The following PLCXD3 variants were observed in gnomAD, a reference collection of about 807,000 sequenced individuals.
PLCXD3 encodes the protein PI-PLC X domain-containing protein 3.
PLCXD3 carries 19 observed loss-of-function variants against 25.5 expected under a neutral mutation model. That is an observed-to-expected ratio of 0.75 (90% CI 0.52 to 1.09). The LOEUF (loss-of-function observed/expected upper bound fraction) is 1.09. Among genes scored for constraint, PLCXD3 ranks in the 50% least tolerant of loss-of-function variants. PLCXD3 has a pLI of 0.00. For synonymous variants in PLCXD3, 174 were observed against 137.6 expected, an observed-to-expected ratio of 1.26 and a Z score of -1.85; for missense variants, 411 against 388.1, an observed-to-expected ratio of 1.06 and a Z score of -0.50.
intron 2 of PLCXD3, among the ~76,000 whole-genome samples, chr5:41,334,663 T>C (rs1056197027): frequency 3.9e-5 from 6 of 152,174 alleles, no homozygotes; most frequent in African/African-American, 1.4e-4. Flanking sequence ...ATCCGTTTCC[T>C]TTGATAATGG....
At chr5:41,495,054 A>G (rs756249545) in intron 1 of PLCXD3, among the ~76,000 whole-genome samples, 19 of 152,230 alleles carry the variant, frequency 1.2e-4, no homozygotes, top group Non-Finnish European at 2.8e-4. Flanking sequence ...TCTATGATAA[A>G]TCCTGCACTC....
intron 2 of PLCXD3, among the ~76,000 whole-genome samples, chr5:41,340,541 G>T (rs921618997): frequency 6.6e-6 from 1 of 152,076 alleles, no homozygotes; most frequent in Non-Finnish European, 1.5e-5. Context: ...AAGGGGAGTT[G>T]GTGGTGAGCT....
At chr5:41,489,103 T>C (rs1036116784) in intron 1 of PLCXD3, among the ~76,000 whole-genome samples, 1 of 152,202 alleles carries the variant, frequency 6.6e-6, no homozygotes, top group African/African-American at 2.4e-5. Flanking sequence ...AATTGATTTT[T>C]GTATAAGGTG....
rs1739031718 is a variant in PLCXD3 at position 41,510,470 on chromosome 5, C to A, written c.57G>T (p.Leu19=). The A allele has an allele frequency of 6.2e-7, 1 of 1,612,468 alleles. No individual in the cohort carries two copies. Among genetic ancestry groups the A allele is most frequent in the African/African-American group, 1.3e-5 (1 of 74,822 alleles). Residue 19 remains leucine, a synonymous_variant, in exon 1 of 3, where the codon CTG becomes CTT. Coordinates refer to ENST00000377801, the MANE Select transcript of PLCXD3 (RefSeq NM_001005473.3). ...GGGGGATGCTGTGCATGCTCTCCGG[C>A]AGAGTTGCCATCCAGTCGGCTAATT... ...ELKLADWMAT[L]PESMHSIPLT... is the part of the protein sequence containing the mutation.
At chr5:41,465,698 A>G (rs1319920216) in intron 1 of PLCXD3, among the ~76,000 whole-genome samples, 1 of 151,958 alleles carries the variant, frequency 6.6e-6, no homozygotes, top group African/African-American at 2.4e-5. Context: ...CTAAGCAGGC[A>G]TGGGGGCCAG....
chr5:41,463,311 C>T (rs372706924), intron 1 of PLCXD3, among the ~76,000 whole-genome samples: 38 of 151,998 alleles, frequency 2.5e-4, no homozygotes, highest in African/African-American at 9.2e-4. Context: ...TGCTGAGAGC[C>T]GTATTCTGGG....
intron 2 of PLCXD3, among the ~76,000 whole-genome samples, chr5:41,314,767 G>A (rs1297591199): frequency 6.6e-6 from 1 of 152,110 alleles, no homozygotes; most frequent in Non-Finnish European, 1.5e-5. Context: ...GGGCACATTA[G>A]GCCATTATAA....
rs1745290068 is a variant in PLCXD3, at chr5:41,376,169, C to T, written c.812+5657G>A. On this transcript the variant is annotated intron_variant, in intron 2 of 2. Transcript: ENST00000377801. ...CACTGTGATGATGAGACTAAGTGGC[C>T]AGGGCTGCCCATCATCCAACTCCAA... 2.0e-5 allele frequency among the ~76,000 whole-genome samples: 3 copies of T among 152,152 alleles called. No individual in the cohort carries two copies. In the South Asian group the frequency reaches 6.2e-4, roughly 32 times the overall value.
intron 1 of PLCXD3, among the ~76,000 whole-genome samples, chr5:41,464,347 C>A (rs1026666199): frequency 6.6e-6 from 1 of 151,986 alleles, no homozygotes; most frequent in African/African-American, 2.4e-5. Context: ...GACTGTGCAC[C>A]GCTATCGGTA....
At chr5:41,345,398 C>T (rs1035357745) in intron 2 of PLCXD3, among the ~76,000 whole-genome samples, 11 of 152,132 alleles carry the variant, frequency 7.2e-5, no homozygotes, top group Non-Finnish European at 7.4e-5. Context: ...TGCTAAAATC[C>T]TGTCCAGAGG....
At chr5:41,500,067 T>A (rs1330748735) in intron 1 of PLCXD3, among the ~76,000 whole-genome samples, 2 of 151,756 alleles carry the variant, frequency 1.3e-5, no homozygotes, top group Non-Finnish European at 3.0e-5. Flanking sequence ...CCCATACTGG[T>A]CATCTACCCA....
chr5:41,492,745 C>A (rs1748733498), intron 1 of PLCXD3, among the ~76,000 whole-genome samples: 1 of 152,242 alleles, frequency 6.6e-6, no homozygotes, highest in Admixed American at 6.5e-5. Context: ...CTTCTGCATT[C>A]TTCACGTAGT....
In PLCXD3 at chr5:41,419,183, G is replaced by A. The variant is rs528490818; in HGVS notation, c.104-36649C>T. The stretch of plus-strand genomic sequence containing the variant: ...TGCCTTCTAACAGAATTTCCAGAGA[G>A]AAAATAGGAAGATGTAGCCAGCAGC... On this transcript the variant is annotated intron_variant, in intron 1 of 2. Transcript: ENST00000377801. Among the ~76,000 whole-genome samples the A allele has an allele frequency of 2.2e-4, 33 of 152,270 alleles. No homozygotes were observed. In the South Asian group the frequency reaches 6.9e-3, roughly 32 times the overall value.
chr5:41,339,109 G>A (rs1439063298), intron 2 of PLCXD3, among the ~76,000 whole-genome samples: 2 of 152,084 alleles, frequency 1.3e-5, no homozygotes, highest in Non-Finnish European at 2.9e-5. Context: ...GGAGGAAGCT[G>A]CTCTATCTCT....
intron 1 of PLCXD3, among the ~76,000 whole-genome samples, chr5:41,469,528 C>T (rs1022884819): frequency 2.7e-5 from 4 of 150,912 alleles, no homozygotes; most frequent in Admixed American, 6.6e-5. Flanking sequence ...TGTTTCAATC[C>T]CTTATTTGTT....
At chr5:41,489,362 G>C (rs1407847347) in intron 1 of PLCXD3, among the ~76,000 whole-genome samples, 2 of 152,044 alleles carry the variant, frequency 1.3e-5, no homozygotes, top group African/African-American at 4.8e-5. Context: ...GTCAGGTAGT[G>C]TGATGCCTCC....
At chr5:41,410,908 TTCTCCACTGGAGCCTCCTGGTGG>T (rs1746499836) in intron 1 of PLCXD3, among the ~76,000 whole-genome samples, 1 of 152,072 alleles carries the variant, frequency 6.6e-6, no homozygotes, top group Non-Finnish European at 1.5e-5. Flanking sequence ...CTCCCCCGAT[TTCTCCACTGGAGCCTCCTGGTGG>T]TGGCAGACCC....
intron 1 of PLCXD3, among the ~76,000 whole-genome samples, chr5:41,409,202 C>T (rs1746446016): frequency 6.6e-6 from 1 of 152,176 alleles, no homozygotes; most frequent in African/African-American, 2.4e-5. Flanking sequence ...AGTTCTTTTC[C>T]TATTCACTGC....
At chr5:41,490,894 T>C (rs1748652424) in intron 1 of PLCXD3, among the ~76,000 whole-genome samples, 2 of 152,226 alleles carry the variant, frequency 1.3e-5, no homozygotes, top group African/African-American at 4.8e-5. Flanking sequence ...AGCTCCTGGA[T>C]TCATTAATTT....
Sources: allele counts gnomAD v4.1 joint callset (sites outside exome capture counted in the v4.1 genomes callset), GRCh38; gene constraint gnomAD v4.1.1; transcripts MANE v1.5; gene names NCBI Gene and HGNC (gene_info 2026-07-23, HGNC 2026-07-21).